HIVEP3: variants seen among roughly 807,000 people sequenced by gnomAD.
HIVEP3 encodes the protein HIVEP zinc finger 3.
HIVEP3 carries 49 observed loss-of-function variants against 152.8 expected under a neutral mutation model. That is an observed-to-expected ratio of 0.32 (90% CI 0.26 to 0.41). The LOEUF is 0.41. Ranked by LOEUF, HIVEP3 falls within the 10% of genes least tolerant of loss-of-function variation. HIVEP3 has a pLI of 1.00. For missense variants in HIVEP3, 2,790 were observed against 3,103.3 expected (o/e 0.90, Z 2.40); for synonymous variants, 1,269 against 1,289.0 (o/e 0.98, Z 0.33).
At chr1:41,963,290 C>T (rs1262885532) in intron 1 of HIVEP3, among the ~76,000 whole-genome samples, 10 of 152,274 alleles carry the variant, frequency 6.6e-5, no homozygotes, top group East Asian at 1.9e-4. Flanking sequence ...GGATTACGGG[C>T]GTGAGCCACC....
At chr1:41,627,670 A>G (rs1218699262) in intron 3 of HIVEP3, among the ~76,000 whole-genome samples, 2 of 152,136 alleles carry the variant, frequency 1.3e-5, no homozygotes, top group African/African-American at 2.4e-5. Flanking sequence ...AGAGAAGCGA[A>G]AGAGTCACTG....
At chr1:42,035,601 G>T (rs1411749355) in intron 1 of HIVEP3, among the ~76,000 whole-genome samples, 1 of 152,038 alleles carries the variant, frequency 6.6e-6, no homozygotes, top group Non-Finnish European at 1.5e-5. Flanking sequence ...CGCCGGAGCT[G>T]CGGAGGCCAG....
chr1:41,894,673 C>G (rs374083981), intron 1 of HIVEP3, among the ~76,000 whole-genome samples: 1 of 152,156 alleles, frequency 6.6e-6, no homozygotes, highest in Non-Finnish European at 1.5e-5. Context: ...TGAATATACT[C>G]TAACACAATG....
intron 1 of HIVEP3, among the ~76,000 whole-genome samples, chr1:41,860,976 T>A (rs939181633): frequency 6.6e-6 from 1 of 152,198 alleles, no homozygotes; most frequent in Non-Finnish European, 1.5e-5. Flanking sequence ...AAGCCAGGAC[T>A]AGGTTCTTGG....
At chr1:41,999,263 T>C (rs1369118015) in intron 1 of HIVEP3, among the ~76,000 whole-genome samples, 1 of 152,002 alleles carries the variant, frequency 6.6e-6, no homozygotes, top group Non-Finnish European at 1.5e-5. Flanking sequence ...ATAAACCAAC[T>C]AAACAAAAAA....
intron 1 of HIVEP3, among the ~76,000 whole-genome samples, chr1:41,909,081 T>C (rs993298881): frequency 6.6e-6 from 1 of 152,148 alleles, no homozygotes; most frequent in Non-Finnish European, 1.5e-5. Flanking sequence ...AGACAGTAGA[T>C]TTTAGAGGCA....
chr1:41,722,126 C>T (rs560837528), intron 1 of HIVEP3, among the ~76,000 whole-genome samples: 2 of 152,192 alleles, frequency 1.3e-5, no homozygotes, highest in South Asian at 4.1e-4. Flanking sequence ...CTAGTAGGGT[C>T]TTCTTCCTCC....
chr1:41,513,281 T>C lies in HIVEP3; in HGVS notation c.5940A>G (p.Pro1980=). The change falls in exon 8 of 9, where the codon CCA becomes CCG. Residue 1980 remains proline, a synonymous_variant. Coordinates refer to ENST00000372583, the MANE Select transcript of HIVEP3 (RefSeq NM_024503.5). ...SPSKEAGSRP[P]LARKHSLTKN... ...TGGTTAGCGAGTGTTTGCGGGCTAGTGGTGGACGGCTGCCTGCTTCTTTGC... is the reference window on the plus strand; with the variant it reads ...TGGTTAGCGAGTGTTTGCGGGCTAGCGGTGGACGGCTGCCTGCTTCTTTGC... The C allele has an allele frequency of 6.2e-7, 1 of 1,610,602 alleles. No homozygotes were observed. Among genetic ancestry groups the C allele is most frequent in the Middle Eastern group, 1.7e-4 (1 of 6,044 alleles).
At chr1:41,746,562 G>A (rs1647075097) in intron 1 of HIVEP3, among the ~76,000 whole-genome samples, 1 of 152,212 alleles carries the variant, frequency 6.6e-6, no homozygotes, top group African/African-American at 2.4e-5. Context: ...CATGGGGATG[G>A]CAGGTCCCAA....
chr1:41,784,369 T>C (rs1254707416), intron 1 of HIVEP3, among the ~76,000 whole-genome samples: 2 of 152,342 alleles, frequency 1.3e-5, no homozygotes, highest in East Asian at 3.9e-4. Flanking sequence ...TTAAAGAAAA[T>C]AAGCTATTAA....
chr1:41,613,892 A>C (rs1463714052), intron 3 of HIVEP3, among the ~76,000 whole-genome samples: 1 of 152,248 alleles, frequency 6.6e-6, no homozygotes, highest in Non-Finnish European at 1.5e-5. Flanking sequence ...TGGACATTTC[A>C]TAAAAATGGA....
chr1:41,751,433 G>A (rs904710231), intron 1 of HIVEP3, among the ~76,000 whole-genome samples: 8 of 145,484 alleles, frequency 5.5e-5, no homozygotes, highest in Non-Finnish European at 7.4e-5. Context: ...CTCAGCCCAC[G>A]CATTTCACCA....
exon 1 of HIVEP3, chr1:42,035,872 G>C (rs896042421): frequency 1.3e-5 from 2 of 149,716 alleles, no homozygotes; most frequent in African/African-American, 4.9e-5. Context: ...GCGGGCGGCA[G>C]CGCTGGCAGC....
chr1:41,804,908 A>T (rs1218393255), intron 1 of HIVEP3, among the ~76,000 whole-genome samples: 1 of 152,200 alleles, frequency 6.6e-6, no homozygotes, highest in Non-Finnish European at 1.5e-5. Context: ...AGGAAAAAAA[A>T]TATATACTCA....
intron 1 of HIVEP3, among the ~76,000 whole-genome samples, chr1:42,017,323 A>C (rs996098181): frequency 1.3e-5 from 2 of 152,172 alleles, no homozygotes; most frequent in African/African-American, 4.8e-5. Context: ...AATTTAATGA[A>C]GTATAAGATA....
chr1:41,838,641 T>C (rs895398074), intron 1 of HIVEP3, among the ~76,000 whole-genome samples: 32 of 152,184 alleles, frequency 2.1e-4, no homozygotes, highest in African/African-American at 7.7e-4. Flanking sequence ...AGCATCTCCC[T>C]GTGCAAAGAA....
chr1:41,722,992 C>T (rs775917634), intron 1 of HIVEP3, among the ~76,000 whole-genome samples: 1 of 152,056 alleles, frequency 6.6e-6, no homozygotes, highest in Non-Finnish European at 1.5e-5. Context: ...GTAGGAGATC[C>T]TGAGGGTCCT....
At chr1:41,800,059 C>T (rs1001630236) in intron 1 of HIVEP3, among the ~76,000 whole-genome samples, 1 of 152,232 alleles carries the variant, frequency 6.6e-6, no homozygotes, top group Non-Finnish European at 1.5e-5. Flanking sequence ...AATTCCTGAA[C>T]TTCCTGACCA....
At chr1:41,707,260 A>G (rs775458745) in intron 1 of HIVEP3, among the ~76,000 whole-genome samples, 16 of 152,226 alleles carry the variant, frequency 1.1e-4, no homozygotes, top group Non-Finnish European at 2.2e-4. Flanking sequence ...TGCCAAGTCG[A>G]GGGCACTGGC....
Sources: allele counts gnomAD v4.1 joint callset (sites outside exome capture counted in the v4.1 genomes callset), GRCh38; gene constraint gnomAD v4.1.1; transcripts MANE v1.5; gene names NCBI Gene and HGNC (gene_info 2026-07-23, HGNC 2026-07-21).